Variants in EYS observed in about 807,000 individuals in gnomAD.
The protein encoded by EYS is protein eyes shut homolog.
In EYS, 250 loss-of-function variants were observed where a neutral mutation model predicts 282.1. That is an observed-to-expected ratio of 0.89 (90% CI 0.80 to 0.98). The LOEUF (loss-of-function observed/expected upper bound fraction) is 0.98, where lower values mean the gene tolerates loss of function less well. Ranked by LOEUF, EYS falls within the 50% of genes least tolerant of loss-of-function variation. EYS has a pLI of 0.00. For synonymous variants in EYS, 1,355 were observed against 1,282.9 expected, an observed-to-expected ratio of 1.06 and a Z score of -1.20; for missense variants, 4,016 against 3,709.0, an observed-to-expected ratio of 1.08 and a Z score of -2.15.
chr6:64,852,318 G>A (rs1765911451), intron 19 of EYS, among the ~76,000 whole-genome samples: 1 of 152,092 alleles, frequency 6.6e-6, no homozygotes, highest in Non-Finnish European at 1.5e-5. Flanking sequence ...AGCATGGCCA[G>A]GATACAAAGC....
At chr6:63,866,069 A>T (rs1296980285) in intron 35 of EYS, among the ~76,000 whole-genome samples, 3 of 152,218 alleles carry the variant, frequency 2.0e-5, no homozygotes, top group Non-Finnish European at 4.4e-5. Flanking sequence ...GGAAAAAATT[A>T]TATATCGATG....
chr6:64,476,874 C>A (rs1776287193), intron 26 of EYS, among the ~76,000 whole-genome samples: 1 of 152,120 alleles, frequency 6.6e-6, no homozygotes, highest in Non-Finnish European at 1.5e-5. Context: ...TTCAGTTTCT[C>A]ATCGACTTGA....
At chr6:63,859,758 TC>T (rs1199841176) in intron 36 of EYS, among the ~76,000 whole-genome samples, 2 of 152,102 alleles carry the variant, frequency 1.3e-5, no homozygotes, top group East Asian at 3.9e-4. Flanking sequence ...GCTGCAAACT[TC>T]CCATCTGCAG....
At chr6:65,118,952 T>C (rs1460129456) in intron 12 of EYS, among the ~76,000 whole-genome samples, 2 of 151,850 alleles carry the variant, frequency 1.3e-5, no homozygotes, top group Non-Finnish European at 2.9e-5. Context: ...AACAGAATGT[T>C]TGTTAATATA....
At chr6:64,510,386 T>C (rs1408633911) in intron 26 of EYS, among the ~76,000 whole-genome samples, 1 of 152,158 alleles carries the variant, frequency 6.6e-6, no homozygotes, top group Non-Finnish European at 1.5e-5. Flanking sequence ...ATTGTTTTTT[T>C]AATGTCATGC....
intron 24 of EYS, among the ~76,000 whole-genome samples, chr6:64,599,898 G>A (rs971583713): frequency 6.6e-6 from 1 of 152,104 alleles, no homozygotes; most frequent in Non-Finnish European, 1.5e-5. Flanking sequence ...TACTCTGACA[G>A]TCTACTTAAC....
At chr6:64,537,769 A>T (rs1248124054) in intron 26 of EYS, among the ~76,000 whole-genome samples, 1 of 152,096 alleles carries the variant, frequency 6.6e-6, no homozygotes, top group East Asian at 1.9e-4. Flanking sequence ...CTTAAATGAA[A>T]CTTCCTATTT....
chr6:65,291,207 T>A (rs540115127), intron 12 of EYS, among the ~76,000 whole-genome samples: 2 of 151,640 alleles, frequency 1.3e-5, no homozygotes, highest in Admixed American at 1.3e-4. Flanking sequence ...GCACTCAATC[T>A]TTTTTTGCTG....
chr6:65,617,537 TTATAA>T (rs780641435), intron 2 of EYS, among the ~76,000 whole-genome samples: 5 of 151,642 alleles, frequency 3.3e-5, no homozygotes, highest in South Asian at 2.1e-4. Context: ...ATGGTATTAT[TTATAA>T]TATATTTTTT....
chr6:64,362,312 G>T (rs1772043387), intron 29 of EYS, among the ~76,000 whole-genome samples: 2 of 151,740 alleles, frequency 1.3e-5, no homozygotes, highest in African/African-American at 4.8e-5. Flanking sequence ...AATTTTAATA[G>T]AAATTCATAA....
intron 26 of EYS, among the ~76,000 whole-genome samples, chr6:64,521,167 G>C (rs984482784): frequency 6.6e-6 from 1 of 151,766 alleles, no homozygotes. Flanking sequence ...AAGTTGCTAT[G>C]GTTGGCCTAG....
At chr6:64,987,138 G>T (rs1208887929) in intron 14 of EYS, among the ~76,000 whole-genome samples, 1 of 151,232 alleles carries the variant, frequency 6.6e-6, no homozygotes, top group Non-Finnish European at 1.5e-5. Flanking sequence ...AGTTATTCTG[G>T]CGACAAGCAG....
chr6:64,085,570 T>C (rs761928924), intron 31 of EYS, among the ~76,000 whole-genome samples: 8 of 152,206 alleles, frequency 5.3e-5, no homozygotes, highest in Non-Finnish European at 1.0e-4. Flanking sequence ...TCCAAATACA[T>C]ACCCTTTTTA....
In EYS at chr6:65,339,919, T is replaced by G. The variant is rs13201563; in HGVS notation, c.1599+4119A>C. Among the ~76,000 whole-genome samples the G allele has an allele frequency of 2.7e-5, 4 of 150,294 alleles. No homozygotes were observed. In the East Asian group the frequency reaches 7.8e-4, roughly 29 times the overall value. On this transcript the variant is annotated intron_variant, in intron 10 of 42. Transcript: ENST00000503581. ...AAGGCAGATAATTTACAACTGCAAA[T>G]TTTTTAAAGTACATCCTATAAGAAA...
At chr6:65,316,633 C>A (rs2150301979) in intron 11 of EYS, among the ~76,000 whole-genome samples, 1 of 151,708 alleles carries the variant, frequency 6.6e-6, no homozygotes, top group African/African-American at 2.4e-5. Context: ...CTCCCCTAGC[C>A]CCTCTCCCCC....
At chr6:63,868,781 TTCCCCTCTCCCCTGCAAGAA>T (rs2149711631) in intron 35 of EYS, among the ~76,000 whole-genome samples, 1 of 152,290 alleles carries the variant, frequency 6.6e-6, no homozygotes, top group African/African-American at 2.4e-5. Context: ...CAAAGAATAC[TTCCCCTCTCCCCTGCAAGAA>T]TCTTCCTTAA....
rs1393496143 is a variant in EYS, at chr6:63,863,668, CTTTTTTCTTTT to C, written c.7228+507_7228+517del. On this transcript the variant is annotated intron_variant, in intron 36 of 42. Coordinates refer to ENST00000503581, the MANE Select transcript of EYS (RefSeq NM_001142800.2). ...CTTTTCTTTTCTTTTCTTTTCTTTT[CTTTTTTCTTTT>C]TTTTTTTTTTTTTTGAGATGGAGTC... Among the ~76,000 whole-genome samples, 35 of 69,326 alleles carry C rather than the reference CTTTTTTCTTTT, an allele frequency of 5.0e-4. 1 individual carries two copies. Among genetic ancestry groups the C allele is most frequent in the East Asian group, 3.6e-3 (7 of 1,950 alleles). 45.5% of individuals were successfully genotyped at this position (69,326 alleles called of 152,430 possible). A position where few individuals can be genotyped will look rare whatever the true frequency, so the allele number is the denominator to read the frequency against.
At chr6:65,178,627 C>G (rs559630020) in intron 12 of EYS, among the ~76,000 whole-genome samples, 1 of 152,080 alleles carries the variant, frequency 6.6e-6, no homozygotes, top group African/African-American at 2.4e-5. Context: ...CTTTAACACC[C>G]CACTGTCAAC....
At chr6:64,120,423 C>G (rs1003327856) in intron 31 of EYS, among the ~76,000 whole-genome samples, 92 of 144,466 alleles carry the variant, frequency 6.4e-4, no homozygotes, top group African/African-American at 2.3e-3. Flanking sequence ...CAAATGACAA[C>G]CAAAACAATG....
Sources: allele counts gnomAD v4.1 joint callset (sites outside exome capture counted in the v4.1 genomes callset), GRCh38; gene constraint gnomAD v4.1.1; transcripts MANE v1.5; gene names NCBI Gene and HGNC (gene_info 2026-07-23, HGNC 2026-07-21).